The following PCDH15 variants were observed in gnomAD, a reference collection of about 807,000 sequenced individuals.
PCDH15 encodes protocadherin-15.
In PCDH15, 129 loss-of-function variants were observed where a neutral mutation model predicts 178.5. That is an observed-to-expected ratio of 0.72 (90% CI 0.63 to 0.84). The LOEUF (loss-of-function observed/expected upper bound fraction) is 0.84, where lower values mean the gene tolerates loss of function less well. Among genes scored for constraint, PCDH15 ranks in the 40% least tolerant of loss-of-function variants. The pLI is 0.00. For missense variants in PCDH15, 2,230 were observed against 2,099.9 expected (o/e 1.06, Z -1.21); for synonymous variants, 800 against 732.0 (o/e 1.09, Z -1.50).
chr10:54,374,047 CAGAT>C (rs759739262), intron 4 of PCDH15, among the ~76,000 whole-genome samples: 12 of 151,954 alleles, frequency 7.9e-5, no homozygotes, highest in South Asian at 2.1e-4. Flanking sequence ...ACTCAAGAGA[CAGAT>C]AGAAAACAGT....
intron 2 of PCDH15, among the ~76,000 whole-genome samples, chr10:55,482,617 T>TTTCC (rs1840205680): frequency 6.6e-6 from 1 of 151,808 alleles, no homozygotes; most frequent in South Asian, 2.1e-4. Flanking sequence ...TTGGAATTTT[T>TTTCC]TTCCTTTAAA....
At chr10:55,362,352 G>T (rs1845252012) in intron 2 of PCDH15, among the ~76,000 whole-genome samples, 1 of 151,998 alleles carries the variant, frequency 6.6e-6, no homozygotes, top group Admixed American at 6.6e-5. Flanking sequence ...CTAGATTCTT[G>T]GAATACAGTG....
chr10:53,810,254 A>G (rs576306228), intron 37 of PCDH15, among the ~76,000 whole-genome samples: 8 of 152,156 alleles, frequency 5.3e-5, no homozygotes, highest in Non-Finnish European at 1.0e-4. Flanking sequence ...GCAGAACTTT[A>G]AAATATATTT....
At chr10:55,363,621 TTTC>T (rs771679942) in intron 2 of PCDH15, among the ~76,000 whole-genome samples, 3 of 152,118 alleles carry the variant, frequency 2.0e-5, no homozygotes, top group Non-Finnish European at 2.9e-5. Flanking sequence ...CGTTTCGGCT[TTTC>T]TTTTTTCTTT....
intron 2 of PCDH15, among the ~76,000 whole-genome samples, chr10:55,516,922 G>A (rs900017171): frequency 1.3e-5 from 2 of 151,904 alleles, no homozygotes; most frequent in Non-Finnish European, 2.9e-5. Context: ...TATATAAACT[G>A]CTACCAACTA....
At chr10:54,530,434 T>C (rs772332586) in intron 2 of PCDH15, among the ~76,000 whole-genome samples, 14 of 152,184 alleles carry the variant, frequency 9.2e-5, no homozygotes, top group Non-Finnish European at 1.8e-4. Flanking sequence ...GGCACAATAC[T>C]AATGTGTCTT....
intron 13 of PCDH15, among the ~76,000 whole-genome samples, chr10:54,161,884 C>T (rs948177660): frequency 2.6e-5 from 4 of 151,988 alleles, no homozygotes; most frequent in Admixed American, 6.6e-5. Flanking sequence ...CTTTATCTCC[C>T]ATTCTCCTCA....
intron 9 of PCDH15, among the ~76,000 whole-genome samples, chr10:54,234,132 C>G (rs5785051): frequency 0.035 from 4,809 of 138,548 alleles, 226 homozygotes; most frequent in African/African-American, 0.11. Context: ...ATATCCCCTT[C>G]TGTGTGTGTG....
At chr10:54,151,585 A>G (rs2044541441) in intron 14 of PCDH15, among the ~76,000 whole-genome samples, 1 of 152,152 alleles carries the variant, frequency 6.6e-6, no homozygotes, top group Non-Finnish European at 1.5e-5. Flanking sequence ...CAATAAAAAC[A>G]AAAGATGTAG....
chr10:53,896,169 A>G (rs1298058262), intron 26 of PCDH15, among the ~76,000 whole-genome samples: 11 of 152,004 alleles, frequency 7.2e-5, no homozygotes, highest in Non-Finnish European at 1.5e-4. Flanking sequence ...ATGACATTTC[A>G]CAGTTCTCAG....
At position 55,493,283 on chromosome 10, in the gene PCDH15, T is replaced by A. The variant is rs1435953304; in HGVS notation, c.-156+134342A>T. On this transcript the variant is annotated intron_variant, in intron 2 of 5. Transcript: ENST00000613346. ...AAAAAAAAAAAAGCTAGGTGGGGCA[T>A]GGTCGCTCATGCCTGTAACCCCAAT... is the stretch of plus-strand genomic sequence containing the variant. Among the ~76,000 whole-genome samples the A allele has an allele frequency of 2.0e-5, 3 of 148,838 alleles. No homozygotes were observed. In the East Asian group the frequency reaches 6.0e-4, roughly 30 times the overall value.
chr10:55,258,927 GTCCCTCATTTGTCATGATTGC>G (rs1466714479), intron 1 of PCDH15, among the ~76,000 whole-genome samples: 8 of 152,108 alleles, frequency 5.3e-5, no homozygotes, highest in South Asian at 2.1e-4. Context: ...ACAATGAGAT[GTCCCTCATTTGTCATGATTGC>G]TTCCTTACTC....
At chr10:54,541,032 A>ACG (rs2085157654) in intron 2 of PCDH15, among the ~76,000 whole-genome samples, 1 of 152,184 alleles carries the variant, frequency 6.6e-6, no homozygotes, top group African/African-American at 2.4e-5. Context: ...GCCATATATG[A>ACG]CACAATACAG....
At chr10:54,593,687 AT>A (rs1183793013) in intron 2 of PCDH15, among the ~76,000 whole-genome samples, 4 of 151,804 alleles carry the variant, frequency 2.6e-5, no homozygotes, top group East Asian at 1.9e-4. Flanking sequence ...AAATTTTAGA[AT>A]TTTTTTTCCT....
At chr10:54,885,637 G>A (rs1346410668) in intron 3 of PCDH15, among the ~76,000 whole-genome samples, 3 of 152,112 alleles carry the variant, frequency 2.0e-5, no homozygotes, top group Non-Finnish European at 4.4e-5. Context: ...ATTTTAAGAT[G>A]ATCGCAAACT....
intron 1 of PCDH15, among the ~76,000 whole-genome samples, chr10:55,259,482 C>T (rs1261068168): frequency 1.3e-5 from 2 of 152,138 alleles, no homozygotes; most frequent in Admixed American, 1.3e-4. Context: ...GAAAGGCAAT[C>T]ATTTTATTTG....
At chr10:55,247,469 T>C (rs982400422) in intron 1 of PCDH15, among the ~76,000 whole-genome samples, 1 of 152,302 alleles carries the variant, frequency 6.6e-6, no homozygotes, top group African/African-American at 2.4e-5. Flanking sequence ...AAGAGAGTTA[T>C]CCAGCATGTT....
intron 21 of PCDH15, among the ~76,000 whole-genome samples, chr10:53,971,375 T>A (rs553084190): frequency 6.6e-6 from 1 of 152,080 alleles, no homozygotes; most frequent in Non-Finnish European, 1.5e-5. Context: ...TGAAAACTGG[T>A]ACAAGACAGG....
chr10:54,801,379 T>A (rs973283851), upstream of PCDH15: 3 of 152,238 alleles, frequency 2.0e-5, no homozygotes, highest in Non-Finnish European at 2.9e-5. Context: ...AACCACGCAC[T>A]GACTGGTGAG....
Sources: allele counts gnomAD v4.1 joint callset (sites outside exome capture counted in the v4.1 genomes callset), GRCh38; gene constraint gnomAD v4.1.1; transcripts MANE v1.5; gene names NCBI Gene and HGNC (gene_info 2026-07-23, HGNC 2026-07-21).